The following CCDC136 variants were observed in gnomAD, a reference collection of about 807,000 sequenced individuals.
CCDC136 encodes coiled-coil domain-containing protein 136.
CCDC136 carries 100 observed loss-of-function variants against 141.2 expected under a neutral mutation model. That is an observed-to-expected ratio of 0.71 (90% CI 0.60 to 0.84). CCDC136 has a LOEUF of 0.84. Ranked by LOEUF, CCDC136 falls within the 40% of genes least tolerant of loss-of-function variation. The pLI is 0.00. For synonymous variants in CCDC136, 474 were observed against 531.9 expected, an observed-to-expected ratio of 0.89 and a Z score of 1.50; for missense variants, 1,206 against 1,379.4, an observed-to-expected ratio of 0.87 and a Z score of 1.99.
At chr7:128,796,739 A>ATTTTTT (rs1554377202) in intron 3 of CCDC136, among the ~76,000 whole-genome samples, 6 of 113,384 alleles carry the variant, frequency 5.3e-5, no homozygotes, top group African/African-American at 2.8e-4. Context: ...ATATATATAT[A>ATTTTTT]TTCTTTTTTT....
At position 128,812,853 on chromosome 7, in the gene CCDC136, A is replaced by G. The variant is rs1199185651; in HGVS notation, c.2687A>G (p.Asp896Gly). ...CAGAAAGACCTGAAGGAAGAGCTGG[A>G]TGCCTGTGAAAGGGAGTTCAAGGAG... ...AKQKDLKEEL[D>G]ACEREFKECM... The change falls in exon 14 of 18, where the codon GAT becomes GGT. Residue 896 changes from aspartate to glycine, a missense_variant. Asp to Gly is a moderately conservative substitution (Grantham distance 94). Transcript: ENST00000297788. 6.2e-7 allele frequency: 1 copy of G among 1,613,308 alleles called. No homozygotes were observed. The highest frequency in any genetic ancestry group is 2.2e-5 in the East Asian group (1 of 44,808).
At position 128,814,723 on chromosome 7, in the gene CCDC136, A is replaced by G; in HGVS notation, c.2849A>G (p.Gln950Arg). ...MDEQGRLLVV[Q>R]EQLEGQLQCC... ...GAGCAGGGGCGGCTTCTGGTAGTGC[A>G]GGAGCAGCTGGAGGGGCAGCTGCAG... Residue 950 changes from glutamine (Q) to arginine (R), a missense_variant, in exon 15 of 18, where the codon CAG (glutamine) becomes CGG (arginine). By Grantham distance (43) the Gln-to-Arg change is conservative. Transcript: ENST00000297788. 1 of 1,613,800 alleles carries G rather than the reference A, an allele frequency of 6.2e-7. No individual in the cohort carries two copies. Among genetic ancestry groups the G allele is most frequent in the Non-Finnish European group, 8.5e-7 (1 of 1,179,766 alleles).
At chr7:128,813,150 C>T (rs1272231783) in intron 14 of CCDC136, among the ~76,000 whole-genome samples, 1 of 152,294 alleles carries the variant, frequency 6.6e-6, no homozygotes, top group South Asian at 2.1e-4. Context: ...TCTCTTTCTC[C>T]CTTTGCCACT....
rs142215231 is a variant in CCDC136 at position 128,805,844 on chromosome 7, G to A, written c.1032G>A (p.Glu344=). The change falls in exon 7 of 18, where the codon GAG becomes GAA. Residue 344 remains glutamate (E), a synonymous_variant. Coordinates refer to ENST00000297788, the MANE Select transcript of CCDC136 (RefSeq NM_022742.5). This position sits in a 1 kb window ranked among gnomAD's most constrained non-coding sequence, Gnocchi z 4.6. ...SEEEQRRLQR[E]LKCAQNEVLR... Reference sequence around the variant, plus strand: ...AGGAGCAGAGGCGGCTGCAGAGGGAGCTCAAGTGTGCTCAGAATGAGGTGC... The same window carrying A: ...AGGAGCAGAGGCGGCTGCAGAGGGAACTCAAGTGTGCTCAGAATGAGGTGC... 2.5e-4 allele frequency: 397 copies of A among 1,614,012 alleles called. No individual in the cohort carries two copies. The African/African-American group carries it at 4.7e-3, about 19-fold the overall frequency.
At chr7:128,820,661 T>A (rs1358325520) in intron 17 of CCDC136, among the ~76,000 whole-genome samples, 1 of 152,232 alleles carries the variant, frequency 6.6e-6, no homozygotes, top group African/African-American at 2.4e-5. Flanking sequence ...TGCAGCGGCA[T>A]GATCATGGCT....
At chr7:128,791,604 T>A (rs1802171673), upstream of CCDC136, 15 of 1,125,230 alleles carry the variant, frequency 1.3e-5, no homozygotes, top group Non-Finnish European at 1.7e-5. The surrounding 1 kb of genome is among the most constrained non-coding windows in gnomAD (Gnocchi z 7.1). Context: ...CTCTCCTCCA[T>A]CCCTCCTCCT....
At chr7:128,801,873 A>T (rs2128905026) in intron 4 of CCDC136, among the ~76,000 whole-genome samples, 1 of 152,340 alleles carries the variant, frequency 6.6e-6, no homozygotes, top group South Asian at 2.1e-4. Context: ...AGCACCATGG[A>T]GAGGTACCCT....
intron 16 of CCDC136, among the ~76,000 whole-genome samples, chr7:128,816,592 G>T (rs1806674322): frequency 6.6e-6 from 1 of 152,176 alleles, no homozygotes; most frequent in Non-Finnish European, 1.5e-5. Context: ...AGAGGTTGGG[G>T]TGGAGGTATC....
rs912421633 is a variant in CCDC136 at position 128,812,704 on chromosome 7, G to T, written c.2542-4G>T. 2.5e-6 allele frequency: 4 copies of T among 1,610,074 alleles called. No homozygotes were observed. Among genetic ancestry groups the T allele is most frequent in the Non-Finnish European group, 2.5e-6 (3 of 1,178,432 alleles). ...TGCTATTGTTGCTCCCCCACCCCCC[G>T]CAGCGCTTTGAGGAAATGGTTGTGA... On this transcript the variant is annotated splice_polypyrimidine_tract_variant and splice_region_variant and intron_variant, in intron 13 of 17. Coordinates refer to ENST00000297788, the MANE Select transcript of CCDC136 (RefSeq NM_022742.5).
chr7:128,805,501 C>A lies in CCDC136; in HGVS notation c.925C>A (p.Gln309Lys). The A allele has an allele frequency of 6.2e-7, 1 of 1,611,664 alleles. No individual in the cohort carries two copies. ...LRQQLRDAEEQMHGMKNKCQE... is the reference protein window; with the variant it reads ...LRQQLRDAEEKMHGMKNKCQE... ...GCAGCAGCTACGGGATGCTGAAGAG[C>A]AGATGCATGGCATGAAGAACAAGGT... Residue 309 changes from glutamine (Q) to lysine (K), a missense_variant, in exon 6 of 18, where the codon CAG (glutamine) becomes AAG (lysine). By Grantham distance (53) the Gln-to-Lys change is moderately conservative. Coordinates refer to ENST00000297788, the MANE Select transcript of CCDC136 (RefSeq NM_022742.5). The surrounding 1 kb of genome is among the most constrained non-coding windows in gnomAD (Gnocchi z 4.6).
chr7:128,792,424 G>A lies in CCDC136; in HGVS notation c.13G>A (p.Glu5Lys), dbSNP rs1339058585. The A allele has an allele frequency of 6.2e-7, 1 of 1,606,468 alleles. No homozygotes were observed. Among genetic ancestry groups the A allele is most frequent in the East Asian group, 2.3e-5 (1 of 44,404 alleles). Residue 5 changes from glutamate to lysine, a missense_variant, in exon 1 of 18, where the codon GAG becomes AAG. Transcript: ENST00000297788. The part of the protein sequence containing the change: MQAM[E>K]GEVLLPALYE... Reference sequence around the variant, plus strand: ...GGAACGACGGGGGATGCAAGCTATGGAGGGTGAGTTTTCCCAAAAGGCTTC... The same window carrying A: ...GGAACGACGGGGGATGCAAGCTATGAAGGGTGAGTTTTCCCAAAAGGCTTC...
At chr7:128,807,595 G>A (rs1435062461) in intron 10 of CCDC136, 50 bp downstream of exon 10, 3 of 1,286,478 alleles carry the variant, frequency 2.3e-6, no homozygotes, top group African/African-American at 3.1e-5. Flanking sequence ...GCTCCAGAGA[G>A]AAGAGGTACA....
rs2128926185 is a variant in CCDC136 at position 128,818,125 on chromosome 7, A to G, written c.*5+261A>G. The G allele has an allele frequency of 1.7e-5, 7 of 417,572 alleles. No individual in the cohort carries two copies. In the South Asian group the frequency reaches 1.9e-4, roughly 11 times the overall value. The allele number at this position is 417,572 out of a possible 1,614,324, so 25.9% of individuals were successfully genotyped here. ...GTTTGTTTCAATCCTTGGCTGGGAA[A>G]AACTTGGATAAGCCCAGCTTGGTTG... On this transcript the variant is annotated intron_variant, in intron 17 of 17. Coordinates refer to ENST00000297788, the MANE Select transcript of CCDC136 (RefSeq NM_022742.5).
At position 128,814,720 on chromosome 7, in the gene CCDC136, T is replaced by C; in HGVS notation, c.2846T>C (p.Val949Ala). 6.2e-7 allele frequency: 1 copy of C among 1,613,696 alleles called. No homozygotes were observed. The highest frequency in any genetic ancestry group is 8.5e-7 in the Non-Finnish European group (1 of 1,179,710). The change falls in exon 15 of 18, where the codon GTG becomes GCG. Residue 949 changes from valine to alanine, a missense_variant. Transcript: ENST00000297788. ...GATGAGCAGGGGCGGCTTCTGGTAG[T>C]GCAGGAGCAGCTGGAGGGGCAGCTG... ...SMDEQGRLLV[V>A]QEQLEGQLQC...
intron 3 of CCDC136, among the ~76,000 whole-genome samples, chr7:128,798,769 A>G (rs1196719468): frequency 6.6e-6 from 1 of 152,082 alleles, no homozygotes; most frequent in Non-Finnish European, 1.5e-5. Context: ...TTTTCTTCCA[A>G]TAGGAAGTCA....
At chr7:128,793,060 G>A (rs1802430332) in intron 1 of CCDC136, among the ~76,000 whole-genome samples, 1 of 152,224 alleles carries the variant, frequency 6.6e-6, no homozygotes, top group Non-Finnish European at 1.5e-5. Context: ...GGGCAAACCT[G>A]CTCCCCCTAA....
At chr7:128,791,248 G>C (rs914830392), upstream of CCDC136, among the ~76,000 whole-genome samples, 2 of 151,684 alleles carry the variant, frequency 1.3e-5, no homozygotes, top group Non-Finnish European at 2.9e-5. This position sits in a 1 kb window ranked among gnomAD's most constrained non-coding sequence, Gnocchi z 7.1. Context: ...CTCTCTAGGG[G>C]AGAGCCTTGG....
Position 128,792,280 on chromosome 7 carries a change from G to GCCCCCCCCCCCCCCCC in CCDC136, c.-126_-125insCCCCCCCCCCCCCCCC. Reference sequence around the variant, plus strand: ...TCCTCTGCACCCCAGCCCGCAGCCAGCCCCCCACCCCCCAGCCCCTCCTTT... The same window carrying GCCCCCCCCCCCCCCCC: ...TCCTCTGCACCCCAGCCCGCAGCCAGCCCCCCCCCCCCCCCCCCCCCCACCCCCCAGCCCCTCCTTT... On this transcript the variant is annotated 5_prime_UTR_variant, in exon 1 of 18. It removes the in-frame stop codon of an upstream open reading frame in the 5' UTR. Coordinates refer to ENST00000297788, the MANE Select transcript of CCDC136 (RefSeq NM_022742.5). 18 of 1,334,726 alleles carry GCCCCCCCCCCCCCCCC rather than the reference G, an allele frequency of 1.3e-5. No individual in the cohort carries two copies. The highest frequency in any genetic ancestry group is 3.6e-5 in the East Asian group (1 of 28,078). The allele number at this position is 1,334,726 out of a possible 1,614,324, so 82.7% of individuals were successfully genotyped here. A position where few individuals can be genotyped will look rare whatever the true frequency, so the allele number is the denominator to read the frequency against.
intron 4 of CCDC136, among the ~76,000 whole-genome samples, chr7:128,804,109 C>T (rs778643298): frequency 2.0e-5 from 3 of 152,202 alleles, no homozygotes; most frequent in Non-Finnish European, 4.4e-5. Context: ...AGCCACTACA[C>T]CTGGCAAGAA....
Sources: gnomAD v4.1 joint callset for allele counts (sites outside exome capture counted in the v4.1 genomes callset) on GRCh38, gnomAD v4.1.1 for gene constraint, Gnocchi (gnomAD v3.1) non-coding constraint, MANE v1.5 for transcripts, NCBI Gene and HGNC (gene_info 2026-07-23, HGNC 2026-07-21) for gene names.